Variants in RELN observed in about 807,000 individuals in gnomAD.
RELN encodes the protein reelin.
RELN carries 108 observed loss-of-function variants against 427.6 expected under a neutral mutation model. The observed-to-expected ratio is 0.25, with a 90% confidence interval of 0.22 to 0.30. The LOEUF is 0.30. Ranked by LOEUF, RELN falls within the 10% of genes least tolerant of loss-of-function variation. RELN has a pLI of 1.00. For missense variants in RELN, 3,715 were observed against 4,302.8 expected, an observed-to-expected ratio of 0.86 and a Z score of 3.82; for synonymous variants, 1,524 against 1,513.4, an observed-to-expected ratio of 1.01 and a Z score of -0.16.
rs749712401 is a variant in RELN at position 103,500,756 on chromosome 7, G to C, written c.8656C>G (p.His2886Asp). The stretch of plus-strand genomic sequence containing the variant: ...GGCTTTACCCTTACCTTCAGAGTGT[G>C]GGTCAAGTAGCAGTTTGGCCCTGAG... ...GYSGPNCYLT[H>D]TLKTFLKERF... Residue 2886 changes from histidine (H) to aspartate (D), a missense_variant, in exon 53 of 65, where the codon CAC (histidine) becomes GAC (aspartate). This residue lies in a region of RELN where 1,310 missense variants were observed against 1,643.0 expected (regional missense o/e 0.80). Transcript: ENST00000428762. 2 of 1,614,014 alleles carry C rather than the reference G, an allele frequency of 1.2e-6. No individual in the cohort carries two copies. Among genetic ancestry groups the C allele is most frequent in the African/African-American group, 1.3e-5 (1 of 75,040 alleles).
chr7:103,872,160 C>T (rs1277576699), intron 2 of RELN, among the ~76,000 whole-genome samples: 1 of 135,890 alleles, frequency 7.4e-6, no homozygotes, highest in African/African-American at 2.7e-5. Flanking sequence ...TGCGCTGCAC[C>T]CACTAACTCG....
chr7:103,545,067 G>A, intron 42 of RELN, 57 bp downstream of exon 42: 1 of 1,301,200 alleles, frequency 7.7e-7, no homozygotes, highest in Non-Finnish European at 1.1e-6. Flanking sequence ...ACCAAAAATT[G>A]TGTTTAACAT....
At chr7:103,711,310 C>T (rs553901629) in intron 8 of RELN, among the ~76,000 whole-genome samples, 1 of 152,194 alleles carries the variant, frequency 6.6e-6, no homozygotes, top group South Asian at 2.1e-4. Context: ...TAACCCTCAC[C>T]CAAGTGGTAT....
At chr7:103,843,336 C>G (rs1020757081) in intron 2 of RELN, among the ~76,000 whole-genome samples, 1 of 152,074 alleles carries the variant, frequency 6.6e-6, no homozygotes, top group African/African-American at 2.4e-5. Flanking sequence ...TCCTGAGTAG[C>G]TGGAATTACA....
Position 103,596,383 on chromosome 7 carries a change from G to T in RELN, c.3539+73C>A. On this transcript the variant is annotated intron_variant, in intron 25 of 64. Coordinates refer to ENST00000428762, the MANE Select transcript of RELN (RefSeq NM_005045.4). ...TATTTTTGCAACAGTTAACATTTTG[G>T]AAACACATCAACAATGATTTAACCT... 3.0e-6 allele frequency: 4 copies of T among 1,333,004 alleles called. No homozygotes were observed. The South Asian group carries it at 3.5e-5, about 12-fold the overall frequency. The allele number at this position is 1,333,004 out of a possible 1,614,324, so 82.6% of individuals were successfully genotyped here.
chr7:103,630,188 A>G lies in RELN; in HGVS notation c.2466-12T>C. ...CTACGGAGATTATTCTAGAGAAAAA[A>G]AAAAAGTCAAAATTTAGATTATTTT... On this transcript the variant is annotated splice_polypyrimidine_tract_variant and intron_variant, in intron 19 of 64. Transcript: ENST00000428762. 1.3e-6 allele frequency: 2 copies of G among 1,564,936 alleles called. No individual in the cohort carries two copies. The highest frequency in any genetic ancestry group is 1.7e-4 in the Middle Eastern group (1 of 5,936).
At chr7:103,596,381 T>C (rs1199113020) in intron 25 of RELN, 75 bp downstream of exon 25, 4 of 1,310,024 alleles carry the variant, frequency 3.1e-6, no homozygotes, top group African/African-American at 2.9e-5. Flanking sequence ...GTTAACATTT[T>C]GGAAACACAT....
At chr7:103,828,409 C>T (rs2382699) in intron 3 of RELN, among the ~76,000 whole-genome samples, 57,944 of 151,586 alleles carry the variant, frequency 0.38, 11,373 homozygotes, top group Non-Finnish European at 0.42. Context: ...AGTGATCCTT[C>T]TTGCTGACCT....
intron 6 of RELN, among the ~76,000 whole-genome samples, chr7:103,736,856 C>A (rs138108549): frequency 5.9e-5 from 9 of 152,214 alleles, no homozygotes; most frequent in African/African-American, 2.2e-4. Flanking sequence ...CCCTGGTTAA[C>A]CTTTCTATTG....
chr7:103,685,475 T>C (rs766585220), intron 10 of RELN, among the ~76,000 whole-genome samples: 1 of 152,174 alleles, frequency 6.6e-6, no homozygotes, highest in Non-Finnish European at 1.5e-5. Context: ...TGTGATTTCC[T>C]GAGCCACAGC....
At chr7:103,964,243 T>C (rs1265965048) in intron 1 of RELN, among the ~76,000 whole-genome samples, 1 of 152,210 alleles carries the variant, frequency 6.6e-6, no homozygotes, top group Non-Finnish European at 1.5e-5. Context: ...TTCCTTATTA[T>C]GTTACTCAAA....
intron 3 of RELN, among the ~76,000 whole-genome samples, chr7:103,810,726 T>C (rs974694315): frequency 6.6e-6 from 1 of 152,154 alleles, no homozygotes; most frequent in Non-Finnish European, 1.5e-5. Context: ...GTGCACAGTG[T>C]TTGTTCAAAG....
intron 24 of RELN, among the ~76,000 whole-genome samples, chr7:103,598,642 GT>G (rs1302388924): frequency 6.6e-6 from 1 of 152,160 alleles, no homozygotes; most frequent in Non-Finnish European, 1.5e-5. Context: ...GTCTACAGAG[GT>G]TTTGAAAGAA....
In RELN at chr7:103,557,068, T is replaced by C; in HGVS notation, c.5706A>G (p.Gln1902=). Residue 1902 remains glutamine (Q), a synonymous_variant, in exon 38 of 65, where the codon CAA becomes CAG. Transcript: ENST00000428762. ...WHLMDEFYFP[Q]TTNILFINVP... ...CATTGATGAAAAGTATATTCGTTGT[T>C]TGAGGAAAGTAAAATTCATCCATCA... 1 of 1,613,528 alleles carries C rather than the reference T, an allele frequency of 6.2e-7. No individual in the cohort carries two copies. Among genetic ancestry groups the C allele is most frequent in the Non-Finnish European group, 8.5e-7 (1 of 1,179,428 alleles).
chr7:103,942,046 C>T (rs969803968), intron 1 of RELN, among the ~76,000 whole-genome samples: 13 of 152,092 alleles, frequency 8.5e-5, no homozygotes, highest in Non-Finnish European at 1.5e-4. Context: ...GTATTTTACA[C>T]ACTATACATT....
chr7:103,944,845 C>A (rs1796187442), intron 1 of RELN, among the ~76,000 whole-genome samples: 1 of 152,094 alleles, frequency 6.6e-6, no homozygotes, highest in Non-Finnish European at 1.5e-5. Context: ...TTTGATATGG[C>A]CCCAGGCTGT....
chr7:103,889,529 A>G (rs1794798703), intron 2 of RELN, among the ~76,000 whole-genome samples: 1 of 152,198 alleles, frequency 6.6e-6, no homozygotes, highest in African/African-American at 2.4e-5. Flanking sequence ...TACCAGAGGG[A>G]AATCTTTTTA....
chr7:103,633,650 C>T (rs1023296211), intron 19 of RELN, among the ~76,000 whole-genome samples: 43 of 152,120 alleles, frequency 2.8e-4, no homozygotes, highest in African/African-American at 7.9e-4. Flanking sequence ...AGATTAAACG[C>T]GCCTTTGCAA....
At chr7:103,833,156 C>A (rs1793316340) in intron 3 of RELN, among the ~76,000 whole-genome samples, 1 of 151,990 alleles carries the variant, frequency 6.6e-6, no homozygotes, top group African/African-American at 2.4e-5. Context: ...ATATGCAATA[C>A]ATTAACTATA....
Sources: gnomAD v4.1 joint callset for allele counts (sites outside exome capture counted in the v4.1 genomes callset) on GRCh38, gnomAD v4.1.1 for gene constraint, gnomAD v4.1.1 regional missense constraint, MANE v1.5 for transcripts, NCBI Gene and HGNC (gene_info 2026-07-23, HGNC 2026-07-21) for gene names.